Variants in YPEL2 observed in about 807,000 individuals in gnomAD.
YPEL2 encodes the protein yippee like 2.
In YPEL2, 2 loss-of-function variants were observed where a neutral mutation model predicts 19.1. The observed-to-expected ratio is 0.10, with a 90% CI of 0.04 to 0.33. The LOEUF (loss-of-function observed/expected upper bound fraction) is 0.33, where lower values mean the gene tolerates loss of function less well. YPEL2 is among the 10% of genes least tolerant of loss of function. The pLI, the probability that YPEL2 is intolerant of heterozygous loss-of-function variation, is 1.00. For missense variants in YPEL2, 66 were observed against 140.7 expected (o/e 0.47, Z 2.68); for synonymous variants, 52 against 50.0 (o/e 1.04, Z -0.17).
intron 2 of YPEL2, among the ~76,000 whole-genome samples, chr17:59,384,321 A>G (rs903828002): frequency 5.9e-5 from 9 of 152,260 alleles, no homozygotes; most frequent in African/African-American, 2.2e-4. Flanking sequence ...GCCACAAAAT[A>G]TTGACAAAAA....
chr17:59,381,065 C>A (rs2047946646), intron 2 of YPEL2, among the ~76,000 whole-genome samples: 1 of 152,192 alleles, frequency 6.6e-6, no homozygotes, highest in Non-Finnish European at 1.5e-5. Flanking sequence ...CTTCATTGAC[C>A]TCACTTATTC....
intron 1 of YPEL2, among the ~76,000 whole-genome samples, chr17:59,348,965 T>C (rs2047771303): frequency 6.6e-6 from 1 of 152,070 alleles, no homozygotes. Flanking sequence ...GGTGGGCGGA[T>C]CATGAGGTCA....
intron 1 of YPEL2, among the ~76,000 whole-genome samples, chr17:59,352,554 T>A (rs1236373854): frequency 6.6e-6 from 1 of 152,208 alleles, no homozygotes; most frequent in Admixed American, 6.5e-5. Context: ...TTCATTCATT[T>A]GGTTTAAAAA....
At chr17:59,332,644 TCTTCTGGACTTCTTGTCCGGAAGATTG>T (rs2047677554) in intron 1 of YPEL2, among the ~76,000 whole-genome samples, 1 of 152,184 alleles carries the variant, frequency 6.6e-6, no homozygotes, top group Admixed American at 6.5e-5. Flanking sequence ...GGACACCTGT[TCTTCTGGACTTCTTGTCCGGAAGATTG>T]CTACCTCTGC....
At chr17:59,331,900 C>T (rs1306504749) in intron 1 of YPEL2, 76 bp downstream of exon 1, 4 of 151,294 alleles carry the variant, frequency 2.6e-5, no homozygotes, top group Non-Finnish European at 5.9e-5. Context: ...CTCTGGGTCC[C>T]CGGCCCCGGC....
chr17:59,336,072 A>G (rs905627881), intron 1 of YPEL2, among the ~76,000 whole-genome samples: 1 of 152,208 alleles, frequency 6.6e-6, no homozygotes, highest in African/African-American at 2.4e-5. Context: ...TGCTGCTGAA[A>G]ATGCTTGGTG....
intron 2 of YPEL2, among the ~76,000 whole-genome samples, chr17:59,361,777 C>T (rs979145387): frequency 5.3e-5 from 8 of 152,302 alleles, no homozygotes; most frequent in African/African-American, 1.9e-4. Flanking sequence ...AAAACACACA[C>T]ACAACCAAAC....
At chr17:59,394,722 G>A (rs1289782093) in intron 4 of YPEL2, among the ~76,000 whole-genome samples, 2 of 152,214 alleles carry the variant, frequency 1.3e-5, no homozygotes, top group South Asian at 4.1e-4. Flanking sequence ...CGGCACTTTG[G>A]GAGGCCAAGG....
chr17:59,361,537 G>A (rs549585090), intron 2 of YPEL2, among the ~76,000 whole-genome samples: 12 of 152,278 alleles, frequency 7.9e-5, no homozygotes, highest in Middle Eastern at 3.4e-3. Flanking sequence ...TGTGTCTCTA[G>A]CAGCAGCACA....
chr17:59,337,321 G>T (rs1437081521), intron 1 of YPEL2, among the ~76,000 whole-genome samples: 3 of 151,522 alleles, frequency 2.0e-5, no homozygotes, highest in Non-Finnish European at 4.4e-5. Context: ...CCGAGTAGCT[G>T]GGACTACAGG....
In YPEL2 at chr17:59,400,491, T is replaced by C. The variant is rs2048065085; in HGVS notation, c.*3301T>C. 1 of 152,610 alleles carries C rather than the reference T, an allele frequency of 6.6e-6. No homozygotes were observed. The highest frequency in any genetic ancestry group is 2.4e-5 in the African/African-American group (1 of 41,542). The allele number at this position is 152,610 out of a possible 1,614,324, so 9.5% of individuals were successfully genotyped here. A position where few individuals can be genotyped will look rare whatever the true frequency, so the allele number is the denominator to read the frequency against. On this transcript the variant is annotated 3_prime_UTR_variant, in exon 5 of 5. Transcript: ENST00000312655. ...ATCACCAATACATGTTTTCAGTTTT[T>C]TTTTTTTTTAAGGTCTCTATCACTT...
At chr17:59,369,591 C>G (rs1188590729) in intron 2 of YPEL2, among the ~76,000 whole-genome samples, 1 of 152,218 alleles carries the variant, frequency 6.6e-6, no homozygotes, top group Non-Finnish European at 1.5e-5. Context: ...TCGCCTGACC[C>G]TAGTCCCAGA....
chr17:59,369,929 C>T (rs1004678276), intron 2 of YPEL2, among the ~76,000 whole-genome samples: 7 of 152,232 alleles, frequency 4.6e-5, no homozygotes, highest in African/African-American at 1.7e-4. Flanking sequence ...TGAATCATGT[C>T]TTTTGCCTCA....
intron 2 of YPEL2, among the ~76,000 whole-genome samples, chr17:59,381,683 G>T (rs1405022683): frequency 1.3e-5 from 2 of 152,120 alleles, no homozygotes; most frequent in Non-Finnish European, 2.9e-5. Flanking sequence ...GAAGGGCTGG[G>T]CCTGGAACTA....
intron 1 of YPEL2, among the ~76,000 whole-genome samples, chr17:59,348,553 T>G (rs2047768841): frequency 6.6e-6 from 1 of 152,254 alleles, no homozygotes; most frequent in Non-Finnish European, 1.5e-5. Context: ...CGAGGTGGTG[T>G]ATCGAAGATC....
In YPEL2 at chr17:59,389,451, A is replaced by T; in HGVS notation, c.253A>T (p.Thr85Ser). ...ADIYCENCKT[T>S]LGWKYEHAFE... is the part of the protein sequence containing the mutation. ...CATTTACTGTGAAAACTGCAAAACCACTCTGGGCTGGAAATACGTAAGTAT... is the reference window on the plus strand; with the variant it reads ...CATTTACTGTGAAAACTGCAAAACCTCTCTGGGCTGGAAATACGTAAGTAT... Residue 85 changes from threonine to serine, a missense_variant, in exon 4 of 5, where the codon ACT becomes TCT. By Grantham distance (58) the Thr-to-Ser change is moderately conservative. Transcript: ENST00000312655. The T allele has an allele frequency of 1.2e-6, 2 of 1,613,346 alleles. No homozygotes were observed. The highest frequency in any genetic ancestry group is 1.7e-6 in the Non-Finnish European group (2 of 1,179,884).
intron 2 of YPEL2, among the ~76,000 whole-genome samples, chr17:59,388,017 G>A (rs1327471707): frequency 6.6e-6 from 1 of 152,274 alleles, no homozygotes; most frequent in African/African-American, 2.4e-5. Context: ...ATGATCTCAG[G>A]TGAATTAATT....
At chr17:59,337,204 T>A (rs958952119) in intron 1 of YPEL2, among the ~76,000 whole-genome samples, 2 of 151,316 alleles carry the variant, frequency 1.3e-5, no homozygotes, top group African/African-American at 4.9e-5. Flanking sequence ...TTTTTTTTGT[T>A]TGAGACGGAG....
In YPEL2 at chr17:59,398,188, G is replaced by A. The variant is rs944928870; in HGVS notation, c.*998G>A. The A allele has an allele frequency of 6.6e-6, 1 of 152,200 alleles. No individual in the cohort carries two copies. Among genetic ancestry groups the A allele is most frequent in the Non-Finnish European group, 1.5e-5 (1 of 68,042 alleles). 9.4% of individuals were successfully genotyped at this position (152,200 alleles called of 1,614,324 possible). ...TGACCCCTCATAAGAGGAGTGTGGTGAGGGAGGGGACTGGGTAGGGGTCAT... is the reference window on the plus strand; with the variant it reads ...TGACCCCTCATAAGAGGAGTGTGGTAAGGGAGGGGACTGGGTAGGGGTCAT... On this transcript the variant is annotated 3_prime_UTR_variant, in exon 5 of 5. Coordinates refer to ENST00000312655, the MANE Select transcript of YPEL2 (RefSeq NM_001005404.4).
Sources: allele counts gnomAD v4.1 joint callset (sites outside exome capture counted in the v4.1 genomes callset), GRCh38; gene constraint gnomAD v4.1.1; transcripts MANE v1.5; gene names NCBI Gene and HGNC (gene_info 2026-07-23, HGNC 2026-07-21).